SELENOS: variants seen among roughly 807,000 people sequenced by gnomAD.
SELENOS encodes VCP interacting membrane selenoprotein.
A neutral mutation model predicts 30.2 loss-of-function variants in SELENOS; 37 were observed. The ratio of observed to expected loss-of-function variants is 1.23; its 90% CI spans 0.94 to 1.61. SELENOS has a LOEUF of 1.61. Ranked by LOEUF, SELENOS falls within the 40% of genes most tolerant of loss-of-function variation. The pLI is 0.00. For missense variants in SELENOS, 289 were observed against 231.8 expected, an observed-to-expected ratio of 1.25 and a Z score of -1.60; for synonymous variants, 119 against 91.6, an observed-to-expected ratio of 1.30 and a Z score of -1.71.
rs751768913 is a variant in SELENOS at position 101,274,487 on chromosome 15, G to A, written c.417C>T (p.Asp139=). The A allele has an allele frequency of 6.2e-7, 1 of 1,608,598 alleles. No homozygotes were observed. Residue 139 remains aspartate, a synonymous_variant, in exon 5 of 6, where the codon GAC becomes GAT. Transcript: ENST00000526049. ...KGNAKKPQEE[D]SPGPSTSSVL... is the part of the protein sequence containing the mutation. Reference sequence around the variant, plus strand: ...CAGATGAAGTGGAAGGCCCAGGACTGTCTTCCTCCTGTTTGAACACACACA... The same window carrying A: ...CAGATGAAGTGGAAGGCCCAGGACTATCTTCCTCCTGTTTGAACACACACA...
At chr15:101,273,106 A>G (rs184120173) in intron 5 of SELENOS, among the ~76,000 whole-genome samples, 87 of 152,288 alleles carry the variant, frequency 5.7e-4, no homozygotes, top group African/African-American at 1.9e-3. Flanking sequence ...TCCGAAACAC[A>G]TGCAAAAGGG....
chr15:101,272,634 C>T lies in SELENOS; in HGVS notation c.*137G>A, dbSNP rs1382700128. ...TACCTTTTGCTGACTGGAGCCCTGA[C>T]ATATGCAGGTGTAGTTAGGAACAGA... On this transcript the variant is annotated 3_prime_UTR_variant, in exon 6 of 6. Transcript: ENST00000526049. The T allele has an allele frequency of 1.2e-6, 1 of 826,184 alleles. No homozygotes were observed. Among genetic ancestry groups the T allele is most frequent in the Non-Finnish European group, 1.9e-6 (1 of 513,172 alleles). The allele number at this position is 826,184 out of a possible 1,614,324, so 51.2% of individuals were successfully genotyped here.
rs1456971216 is a variant in SELENOS, at chr15:101,274,603, T to C, written c.397A>G (p.Lys133Glu). 1.9e-6 allele frequency: 3 copies of C among 1,613,526 alleles called. No individual in the cohort carries two copies. The highest frequency in any genetic ancestry group is 2.7e-5 in the African/African-American group (2 of 74,882). The change falls in exon 4 of 6, where the codon AAG becomes GAG. Residue 133 changes from lysine (K) to glutamate (E), a missense_variant. Coordinates refer to ENST00000526049, the MANE Select transcript of SELENOS (RefSeq NM_018445.6). ...QEGKSYKGNA[K>E]KPQEEDSPGP... ...AGGTCTCCAGTCACCTGGGGCTTCT[T>C]TGCATTTCCTTTGTAACTTTTTCCT...
chr15:101,276,836 A>C (rs1176965936), intron 1 of SELENOS, 161 bp from the exon 2 acceptor site: 1 of 782,980 alleles, frequency 1.3e-6, no homozygotes, highest in East Asian at 2.8e-5. Flanking sequence ...CGAACTCAAG[A>C]AGTGCGACAA....
At chr15:101,273,875 T>C (rs1454636465) in intron 5 of SELENOS, among the ~76,000 whole-genome samples, 1 of 152,212 alleles carries the variant, frequency 6.6e-6, no homozygotes, top group Non-Finnish European at 1.5e-5. Flanking sequence ...GTGTGTTTGT[T>C]CTTTCCTTCC....
chr15:101,276,073 T>C (rs1218664655), intron 2 of SELENOS, among the ~76,000 whole-genome samples: 1 of 151,208 alleles, frequency 6.6e-6, no homozygotes, highest in African/African-American at 2.4e-5. Context: ...CAGGTGCCCG[T>C]CACCACGCCC....
In SELENOS at chr15:101,277,369, C is replaced by G; in HGVS notation, c.49G>C (p.Glu17Gln). The change falls in exon 1 of 6, where the codon GAG becomes CAG. Residue 17 changes from glutamate to glutamine, a missense_variant. Transcript: ENST00000526049. ...GTGGTGTGCAGGAAGCGCAGCCCCT[C>G]GGTCTCCAGGGCCGGCCGCGCGGAC... Reference protein sequence around the residue: ...SLSARPALETEGLRFLHTTVG... With the variant: ...SLSARPALETQGLRFLHTTVG... 2.0e-6 allele frequency: 3 copies of G among 1,513,558 alleles called. No homozygotes were observed. Among genetic ancestry groups the G allele is most frequent in the Middle Eastern group, 1.8e-4 (1 of 5,704 alleles). 93.8% of individuals were successfully genotyped at this position (1,513,558 alleles called of 1,614,324 possible).
chr15:101,272,911 A>T, intron 5 of SELENOS, 55 bp from the exon 6 acceptor site: 1 of 1,455,406 alleles, frequency 6.9e-7, no homozygotes, highest in Non-Finnish European at 9.5e-7. Flanking sequence ...AAAATCTGGG[A>T]ACATTGTATA....
rs2039285739 is a variant in SELENOS, at chr15:101,272,945, A to G, written c.485-89T>C. 5.0e-6 allele frequency: 6 copies of G among 1,210,696 alleles called. No individual in the cohort carries two copies. The Admixed American group carries it at 1.2e-4, about 24-fold the overall frequency. The allele number at this position is 1,210,696 out of a possible 1,614,324, so 75.0% of individuals were successfully genotyped here. On this transcript the variant is annotated intron_variant, in intron 5 of 5. Coordinates refer to ENST00000526049, the MANE Select transcript of SELENOS (RefSeq NM_018445.6). Reference sequence around the variant, plus strand: ...TATCCACAATAAAATTATGAGAGTGACACGCAAAGCACTGCAAAGATACAG... The same window carrying G: ...TATCCACAATAAAATTATGAGAGTGGCACGCAAAGCACTGCAAAGATACAG...
At chr15:101,274,565 T>C in intron 4 of SELENOS, 27 bp downstream of exon 4, 1 of 1,612,102 alleles carries the variant, frequency 6.2e-7, no homozygotes, top group Non-Finnish European at 8.5e-7. Flanking sequence ...ATCTACCGCA[T>C]GCCAGCCGGC....
chr15:101,275,392 C>T, intron 2 of SELENOS, 31 bp from the exon 3 acceptor site: 1 of 1,509,620 alleles, frequency 6.6e-7, no homozygotes, highest in African/African-American at 1.4e-5. Context: ...GGAGATAAAG[C>T]ACTGTGTACA....
At chr15:101,271,796 C>A (rs1412326186), downstream of SELENOS, among the ~76,000 whole-genome samples, 1 of 152,182 alleles carries the variant, frequency 6.6e-6, no homozygotes, top group Non-Finnish European at 1.5e-5. Context: ...CCAAATCCAG[C>A]CCATGAGCAG....
At chr15:101,274,112 G>A in intron 5 of SELENOS, 3 of 435,162 alleles carry the variant, frequency 6.9e-6, no homozygotes, top group Non-Finnish European at 8.4e-6. Context: ...CAGCCAGAAA[G>A]ACCAAAACCA....
chr15:101,276,540 C>T lies in SELENOS; in HGVS notation c.211+1G>A, dbSNP rs754895887. ...TTTCATTTCGGTTATCAGGCACTAACCCACAGCAGCCGCAGCTCGGTCCAG... is the reference window on the plus strand; with the variant it reads ...TTTCATTTCGGTTATCAGGCACTAATCCACAGCAGCCGCAGCTCGGTCCAG... On this transcript the variant is annotated splice_donor_variant, in intron 2 of 5. Coordinates refer to ENST00000526049, the MANE Select transcript of SELENOS (RefSeq NM_018445.6). LOFTEE classifies it high-confidence loss of function. 1 of 1,602,444 alleles carries T rather than the reference C, an allele frequency of 6.2e-7. No individual in the cohort carries two copies. The highest frequency in any genetic ancestry group is 8.5e-7 in the Non-Finnish European group (1 of 1,176,248).
Position 101,272,299 on chromosome 15 carries a change from T to G in SELENOS, c.*472A>C, listed in dbSNP as rs74041952. 1,701 of 152,568 alleles carry G rather than the reference T, an allele frequency of 0.011. 39 individuals are homozygous for G. The highest frequency in any genetic ancestry group is 0.038 in the African/African-American group (1,564 of 41,562). The allele number at this position is 152,568 out of a possible 1,614,324, so 9.5% of individuals were successfully genotyped here. ...ATTCTTGTTTTTTAAATAGTTTCGT[T>G]TTTACAAAGTTCTGTACATAAAAAT... On this transcript the variant is annotated 3_prime_UTR_variant, in exon 6 of 6. Coordinates refer to ENST00000526049, the MANE Select transcript of SELENOS (RefSeq NM_018445.6).
At chr15:101,273,988 G>A (rs1292204628) in intron 5 of SELENOS, among the ~76,000 whole-genome samples, 1 of 152,222 alleles carries the variant, frequency 6.6e-6, no homozygotes, top group African/African-American at 2.4e-5. Flanking sequence ...ATGGGATGAA[G>A]ACAGACTGCT....
intron 2 of SELENOS, among the ~76,000 whole-genome samples, chr15:101,276,102 T>C (rs1404789241): frequency 6.6e-6 from 1 of 151,898 alleles, no homozygotes; most frequent in Non-Finnish European, 1.5e-5. Context: ...TTTGTATTTT[T>C]AGTAGAGACA....
intron 5 of SELENOS, 53 bp downstream of exon 5, chr15:101,274,367 T>C: frequency 2.0e-6 from 3 of 1,536,398 alleles, no homozygotes; most frequent in Non-Finnish European, 2.7e-6. Context: ...AAAAGGTAAC[T>C]ATATCCTGTA....
intron 1 of SELENOS, 131 bp downstream of exon 1, chr15:101,277,210 GT>G: frequency 6.9e-7 from 1 of 1,444,236 alleles, no homozygotes; most frequent in South Asian, 1.2e-5. Context: ...CAAGGTCCGC[GT>G]AAGCGCCAAC....
Sources: gnomAD v4.1 joint callset for allele counts (sites outside exome capture counted in the v4.1 genomes callset) on GRCh38, gnomAD v4.1.1 for gene constraint, MANE v1.5 for transcripts, NCBI Gene and HGNC (gene_info 2026-07-23, HGNC 2026-07-21) for gene names.